The following KAT6A variants were observed in gnomAD, a reference collection of about 807,000 sequenced individuals.
The protein encoded by KAT6A is lysine acetyltransferase 6A, also known as histone acetyltransferase KAT6A.
A neutral mutation model predicts 198.4 loss-of-function variants in KAT6A; 9 were observed. The observed-to-expected ratio is 0.05, with a 90% CI of 0.03 to 0.08. The LOEUF (loss-of-function observed/expected upper bound fraction) is 0.08. Ranked by LOEUF, KAT6A falls within the 10% of genes least tolerant of loss-of-function variation. The pLI, the probability that KAT6A is intolerant of heterozygous loss-of-function variation, is 1.00. For synonymous variants in KAT6A, 890 were observed against 883.0 expected (o/e 1.01, Z -0.14); for missense variants, 2,077 against 2,509.9 (o/e 0.83, Z 3.69).
At position 42,004,352 on chromosome 8, in the gene KAT6A, C is replaced by T. The variant is rs1370465747; in HGVS notation, c.601-16789G>A. On this transcript the variant is annotated intron_variant, in intron 2 of 16. Coordinates refer to ENST00000265713, the MANE Select transcript of KAT6A (RefSeq NM_006766.5). ...CAGGAAAAAAAGAAGTAGGAGCACA[C>T]TTATTTTTTAAGTAACTACATAAAG... 3.9e-5 allele frequency among the ~76,000 whole-genome samples: 6 copies of T among 152,298 alleles called. No homozygotes were observed. The East Asian group carries it at 7.7e-4, about 20-fold the overall frequency.
intron 2 of KAT6A, among the ~76,000 whole-genome samples, chr8:42,019,903 T>A (rs1386099993): frequency 6.6e-6 from 1 of 152,158 alleles, no homozygotes; most frequent in African/African-American, 2.4e-5. Flanking sequence ...TTAACCCTTT[T>A]TTTTCCTCCA....
At chr8:42,013,765 C>G (rs569983542) in intron 2 of KAT6A, among the ~76,000 whole-genome samples, 96 of 152,272 alleles carry the variant, frequency 6.3e-4, no homozygotes, top group African/African-American at 2.3e-3. Context: ...CCACTGACTG[C>G]AGATTTAAAG....
intron 1 of KAT6A, among the ~76,000 whole-genome samples, chr8:42,050,948 C>G (rs1231885899): frequency 6.6e-6 from 1 of 152,146 alleles, no homozygotes; most frequent in East Asian, 1.9e-4. Flanking sequence ...CAGTCCTTCC[C>G]GTCCCCATTC....
At chr8:41,975,366 T>G (rs533724674) in intron 7 of KAT6A, among the ~76,000 whole-genome samples, 1 of 152,316 alleles carries the variant, frequency 6.6e-6, no homozygotes, top group South Asian at 2.1e-4. Context: ...AATTATCTAC[T>G]AAATGATGGA....
At chr8:42,015,033 A>G (rs1826205825) in intron 2 of KAT6A, among the ~76,000 whole-genome samples, 1 of 152,248 alleles carries the variant, frequency 6.6e-6, no homozygotes, top group African/African-American at 2.4e-5. Context: ...CAGAAACACT[A>G]TTTCAAATGG....
intron 9 of KAT6A, among the ~76,000 whole-genome samples, chr8:41,953,255 T>G (rs72640392): frequency 0.028 from 4,252 of 152,256 alleles, 80 homozygotes; most frequent in Middle Eastern, 0.048. Flanking sequence ...CTATTTCCAT[T>G]CCTGAATCTA....
At chr8:42,012,052 A>G (rs1335219933) in intron 2 of KAT6A, among the ~76,000 whole-genome samples, 1 of 152,248 alleles carries the variant, frequency 6.6e-6, no homozygotes, top group Admixed American at 6.5e-5. Flanking sequence ...AATTAAAATC[A>G]CAATGAAATA....
intron 10 of KAT6A, among the ~76,000 whole-genome samples, 160 bp downstream of exon 10, chr8:41,949,062 T>C (rs1489310238): frequency 1.3e-5 from 2 of 152,238 alleles, no homozygotes; most frequent in African/African-American, 2.4e-5. Context: ...CAAAATCAAC[T>C]GGCATTTTAT....
chr8:41,972,359 C>T (rs1027660235), intron 8 of KAT6A, among the ~76,000 whole-genome samples: 1 of 152,108 alleles, frequency 6.6e-6, no homozygotes, highest in Admixed American at 6.5e-5. Flanking sequence ...TGATGAAAAA[C>T]AGGTTATCTG....
chr8:42,029,798 G>C (rs765775913), intron 2 of KAT6A, among the ~76,000 whole-genome samples: 3 of 151,828 alleles, frequency 2.0e-5, no homozygotes, highest in Non-Finnish European at 4.4e-5. Flanking sequence ...GAATTCTTCA[G>C]TTCTACAATT....
chr8:41,945,060 A>T (rs1226967579), intron 12 of KAT6A, among the ~76,000 whole-genome samples: 1 of 152,190 alleles, frequency 6.6e-6, no homozygotes, highest in Non-Finnish European at 1.5e-5. Flanking sequence ...TCTGAGGTAA[A>T]ATATTCCCTC....
intron 2 of KAT6A, among the ~76,000 whole-genome samples, chr8:42,015,210 A>C (rs890944111): frequency 2.6e-5 from 4 of 152,216 alleles, no homozygotes; most frequent in Non-Finnish European, 5.9e-5. Flanking sequence ...TTCTGTGCTA[A>C]AAAGAATCCG....
chr8:41,971,236 A>C lies in KAT6A; in HGVS notation c.1482+3468T>G, dbSNP rs1823779907. Among the ~76,000 whole-genome samples, 2 of 152,124 alleles carry C rather than the reference A, an allele frequency of 1.3e-5. 1 individual carries two copies. Among genetic ancestry groups the C allele is most frequent in the Non-Finnish European group, 2.9e-5 (2 of 68,010 alleles). On this transcript the variant is annotated intron_variant, in intron 8 of 16. Coordinates refer to ENST00000265713, the MANE Select transcript of KAT6A (RefSeq NM_006766.5). ...ACTTAAGGTATAATTTAAAAAAAAA[A>C]AAAAAAAGAAAGGCCTCGTTCTCAA...
At chr8:41,986,552 G>A (rs949183264) in intron 3 of KAT6A, among the ~76,000 whole-genome samples, 16 of 151,824 alleles carry the variant, frequency 1.1e-4, no homozygotes, top group African/African-American at 3.9e-4. Context: ...AAGACCAAGA[G>A]GAAAAAATAA....
rs1282754176 is a variant in KAT6A, at chr8:41,932,233, G to A, written c.5987C>T (p.Ser1996Leu). Reference protein sequence around the residue: ...YMNAAGVPKQSLNGPYMRR With the variant: ...YMNAAGVPKQLLNGPYMRR ...TCTTCTCATGTAAGGTCCGTTGAGT[G>A]ACTGCTTGGGCACGCCAGCAGCGTT... Residue 1996 changes from serine to leucine, a missense_variant, in exon 17 of 17, where the codon TCA becomes TTA. Ser to Leu is a moderately radical substitution (Grantham distance 145). Transcript: ENST00000265713. 1.2e-6 allele frequency: 2 copies of A among 1,608,514 alleles called. No individual in the cohort carries two copies. The highest frequency in any genetic ancestry group is 2.7e-5 in the African/African-American group (2 of 74,760).
intron 9 of KAT6A, among the ~76,000 whole-genome samples, chr8:41,951,088 T>C (rs1213271979): frequency 6.6e-6 from 1 of 151,800 alleles, no homozygotes; most frequent in Admixed American, 6.6e-5. Context: ...TCTGAGAAAA[T>C]TACTATCAAG....
At chr8:41,947,144 A>G (rs1822437887) in intron 11 of KAT6A, among the ~76,000 whole-genome samples, 2 of 152,208 alleles carry the variant, frequency 1.3e-5, no homozygotes, top group Admixed American at 1.3e-4. Flanking sequence ...TCACTTTTAT[A>G]ATTTTATAAA....
At chr8:42,008,638 C>A (rs1825861961) in intron 2 of KAT6A, among the ~76,000 whole-genome samples, 1 of 152,076 alleles carries the variant, frequency 6.6e-6, no homozygotes, top group Admixed American at 6.6e-5. Flanking sequence ...AGACACTGCG[C>A]CTGGCCCCTC....
intron 2 of KAT6A, among the ~76,000 whole-genome samples, chr8:42,033,253 T>C (rs1384382587): frequency 6.6e-6 from 1 of 152,134 alleles, no homozygotes; most frequent in Non-Finnish European, 1.5e-5. Flanking sequence ...TGTGGAATAA[T>C]TTTCAGACAA....
Sources: gnomAD v4.1 joint callset for allele counts (sites outside exome capture counted in the v4.1 genomes callset) on GRCh38, gnomAD v4.1.1 for gene constraint, MANE v1.5 for transcripts, NCBI Gene and HGNC (gene_info 2026-07-23, HGNC 2026-07-21) for gene names.